COL4A1: variants seen among roughly 807,000 people sequenced by gnomAD.
The protein encoded by COL4A1 is collagen type IV alpha 1 chain.
COL4A1 carries 40 observed loss-of-function variants against 216.6 expected under a neutral mutation model. That is an observed-to-expected ratio of 0.18 (90% confidence interval 0.14 to 0.24). COL4A1 has a LOEUF of 0.24. Among genes scored for constraint, COL4A1 ranks in the 10% least tolerant of loss-of-function variants. The pLI, the probability that COL4A1 is intolerant of heterozygous loss-of-function variation, is 1.00. For missense variants in COL4A1, 1,628 were observed against 2,196.8 expected (o/e 0.74, Z 5.18); for synonymous variants, 839 against 810.7 (o/e 1.03, Z -0.59).
At chr13:110,261,360 G>A (rs900217306) in intron 1 of COL4A1, among the ~76,000 whole-genome samples, 4 of 152,216 alleles carry the variant, frequency 2.6e-5, no homozygotes, top group Non-Finnish European at 5.9e-5. Context: ...AACAACATTT[G>A]AAGTTGCTTC....
chr13:110,201,279 G>A (rs1166364027), intron 19 of COL4A1, 159 bp downstream of exon 19: 5 of 585,120 alleles, frequency 8.5e-6, no homozygotes, highest in Middle Eastern at 4.5e-4. Context: ...GGAGGAGGGG[G>A]AGGAGGAAGA....
At chr13:110,270,984 G>A (rs375385924) in intron 1 of COL4A1, among the ~76,000 whole-genome samples, 1 of 152,254 alleles carries the variant, frequency 6.6e-6, no homozygotes, top group African/African-American at 2.4e-5. Context: ...ATGACAGCAC[G>A]TGTCACAAAG....
At chr13:110,217,380 T>C (rs1315247820) in intron 2 of COL4A1, among the ~76,000 whole-genome samples, 1 of 152,184 alleles carries the variant, frequency 6.6e-6, no homozygotes. Flanking sequence ...GTGACCACAG[T>C]GACCCCCCAC....
Position 110,176,404 on chromosome 13 carries a change from C to T in COL4A1, c.3058+20G>A. On this transcript the variant is annotated intron_variant, in intron 36 of 51. Coordinates refer to ENST00000375820, the MANE Select transcript of COL4A1 (RefSeq NM_001845.6). ...TCACACGCACACATGCTAAAGAATCCTCTTCTAAATCCAGTTTACCTGGCA... is the reference window on the plus strand; with the variant it reads ...TCACACGCACACATGCTAAAGAATCTTCTTCTAAATCCAGTTTACCTGGCA... 1 of 1,555,882 alleles carries T rather than the reference C, an allele frequency of 6.4e-7. No homozygotes were observed. The highest frequency in any genetic ancestry group is 8.9e-7 in the Non-Finnish European group (1 of 1,126,846).
intron 1 of COL4A1, among the ~76,000 whole-genome samples, chr13:110,252,170 C>G (rs559237086): frequency 7.6e-4 from 115 of 152,048 alleles, no homozygotes; most frequent in Non-Finnish European, 1.4e-3. Context: ...ATTACAGGTG[C>G]CTGCCACCAT....
intron 1 of COL4A1, among the ~76,000 whole-genome samples, chr13:110,279,076 G>A (rs1186724631): frequency 2.0e-5 from 3 of 152,028 alleles, no homozygotes; most frequent in African/African-American, 4.8e-5. Flanking sequence ...GAAGTGTTTC[G>A]AGTCGGCCAC....
At chr13:110,200,925 C>G (rs1196132722) in intron 19 of COL4A1, 36 bp from the exon 20 acceptor site, 4 of 1,610,480 alleles carry the variant, frequency 2.5e-6, no homozygotes, top group Non-Finnish European at 3.4e-6. Context: ...TCAAACAGAA[C>G]AGTTCACCCG....
At position 110,186,525 on chromosome 13, in the gene COL4A1, C is replaced by G; in HGVS notation, c.1757G>C (p.Gly586Ala). ...TGGGAATCCAACTCCTCCAGGGGGG[C>G]CACGCTCTCCTTTCAATCCTACAGA... ...PGSVGLKGER[G>A]PPGGVGFPGS... The change falls in exon 26 of 52, where the codon GGC becomes GCC. Residue 586 changes from glycine (G) to alanine (A), a missense_variant. By Grantham distance (60) the Gly-to-Ala change is moderately conservative. This residue lies in a region of COL4A1 where 701 missense variants were observed against 892.5 expected (regional missense o/e 0.79). Transcript: ENST00000375820. The G allele has an allele frequency of 1.2e-6, 2 of 1,613,936 alleles. No individual in the cohort carries two copies. Among genetic ancestry groups the G allele is most frequent in the Non-Finnish European group, 1.7e-6 (2 of 1,179,964 alleles).
At chr13:110,160,920 G>A (rs1164789744) in intron 49 of COL4A1, 1 of 459,336 alleles carries the variant, frequency 2.2e-6, no homozygotes, top group Non-Finnish European at 4.0e-6. Flanking sequence ...TCTTGCCCAG[G>A]CTGGTCTTGA....
At chr13:110,157,433 C>A (rs1876836893) in intron 49 of COL4A1, among the ~76,000 whole-genome samples, 1 of 152,190 alleles carries the variant, frequency 6.6e-6, no homozygotes, top group African/African-American at 2.4e-5. Context: ...AAGGGAAGAG[C>A]TGAGAAGGAA....
At chr13:110,205,220 G>T in intron 17 of COL4A1, 133 bp downstream of exon 17, 2 of 1,048,030 alleles carry the variant, frequency 1.9e-6, no homozygotes, top group Non-Finnish European at 2.9e-6. Context: ...ACTAAATTGT[G>T]TTTTTACCCA....
chr13:110,283,077 T>C (rs1434945709), intron 1 of COL4A1, among the ~76,000 whole-genome samples: 3 of 152,218 alleles, frequency 2.0e-5, no homozygotes, highest in African/African-American at 7.2e-5. Flanking sequence ...CTCTTTGCCT[T>C]GCCTGTGATT....
intron 1 of COL4A1, among the ~76,000 whole-genome samples, chr13:110,279,560 CCA>C (rs1244903876): frequency 6.6e-6 from 1 of 152,076 alleles, no homozygotes; most frequent in African/African-American, 2.4e-5. Flanking sequence ...GGCTGGAGGA[CCA>C]CACACACATA....
Position 110,152,363 on chromosome 13 carries a change from G to A in COL4A1, c.4899C>T (p.Leu1633=), listed in dbSNP as rs760487355. 1.4e-5 allele frequency: 23 copies of A among 1,614,006 alleles called. No individual in the cohort carries two copies. The highest frequency in any genetic ancestry group is 1.1e-4 in the African/African-American group (8 of 74,908). ...ACATCTCGCTCCTCTCTATGGTGGC[G>A]AGCCAAAAGCTGTAAGCGTTTGCGT... ...NYYANAYSFW[L]ATIERSEMFK... is the part of the protein sequence containing the mutation. Residue 1633 remains leucine, a synonymous_variant, in exon 51 of 52, where the codon CTC becomes CTT. Transcript: ENST00000375820.
rs2139149364 is a variant in COL4A1, at chr13:110,164,972, C to T, written c.4040G>A (p.Gly1347Asp). ...GATGATGTCGTAAGGACCTGGGGGG[C>T]CAGGAGGACCCGGGAGACCTGTGGG... ...PGAKGLPGPP[G>D]PPGPYDIIKG... Residue 1347 changes from glycine to aspartate, a missense_variant, in exon 46 of 52, where the codon GGC becomes GAC. Transcript: ENST00000375820. 1 of 1,604,646 alleles carries T rather than the reference C, an allele frequency of 6.2e-7. No individual in the cohort carries two copies. The highest frequency in any genetic ancestry group is 8.5e-7 in the Non-Finnish European group (1 of 1,176,192).
chr13:110,200,033 A>G (rs1042579871), intron 20 of COL4A1, among the ~76,000 whole-genome samples: 1 of 152,190 alleles, frequency 6.6e-6, no homozygotes, highest in Non-Finnish European at 1.5e-5. Context: ...AAGAACTTAG[A>G]CCAGCTGGAA....
At chr13:110,158,267 AT>A (rs912856691) in intron 49 of COL4A1, among the ~76,000 whole-genome samples, 3 of 152,364 alleles carry the variant, frequency 2.0e-5, no homozygotes, top group Non-Finnish European at 2.9e-5. Flanking sequence ...GTCAGTAGAT[AT>A]TTTAATGTAA....
chr13:110,216,987 T>C (rs1880116858), intron 2 of COL4A1, among the ~76,000 whole-genome samples: 1 of 152,238 alleles, frequency 6.6e-6, no homozygotes, highest in Non-Finnish European at 1.5e-5. Context: ...GCAATCTGTG[T>C]ATCCCCAGAG....
At position 110,268,448 on chromosome 13, in the gene COL4A1, G is replaced by A. The variant is rs558321077; in HGVS notation, c.85-25714C>T. ...CTTTAGAGAGAAGGCAACCATCCTC[G>A]CCAGTCCAAGTGAGCTTTTAACAAA... On this transcript the variant is annotated intron_variant, in intron 1 of 51. Coordinates refer to ENST00000375820, the MANE Select transcript of COL4A1 (RefSeq NM_001845.6). The surrounding 1 kb of genome is among the most constrained non-coding windows in gnomAD (Gnocchi z 4.1). Among the ~76,000 whole-genome samples the A allele has an allele frequency of 3.9e-5, 6 of 152,306 alleles. No individual in the cohort carries two copies. The highest frequency in any genetic ancestry group is 2.1e-4 in the South Asian group (1 of 4,826).
Sources: gnomAD v4.1 joint callset for allele counts (sites outside exome capture counted in the v4.1 genomes callset) on GRCh38, gnomAD v4.1.1 for gene constraint, gnomAD v4.1.1 regional missense constraint, Gnocchi (gnomAD v3.1) non-coding constraint, MANE v1.5 for transcripts, NCBI Gene and HGNC (gene_info 2026-07-23, HGNC 2026-07-21) for gene names.